XRN2: variants seen among roughly 807,000 people sequenced by gnomAD.
XRN2 encodes the protein 5'-3' exoribonuclease 2.
XRN2 carries 44 observed loss-of-function variants against 138.5 expected under a neutral mutation model. The ratio of observed to expected loss-of-function variants is 0.32; its 90% CI spans 0.25 to 0.41. The LOEUF (loss-of-function observed/expected upper bound fraction) is 0.41, where lower values mean the gene tolerates loss of function less well. Ranked by LOEUF, XRN2 falls within the 10% of genes least tolerant of loss-of-function variation. The pLI is 1.00. For synonymous variants in XRN2, 354 were observed against 369.4 expected (o/e 0.96, Z 0.48); for missense variants, 937 against 1,169.3 (o/e 0.80, Z 2.90).
chr20:21,355,907 A>C (rs2038570379), intron 21 of XRN2, among the ~76,000 whole-genome samples, 173 bp from the exon 22 acceptor site: 1 of 152,180 alleles, frequency 6.6e-6, no homozygotes, highest in Admixed American at 6.5e-5. Flanking sequence ...CCACAGTACT[A>C]TCAAATACTA....
At chr20:21,352,839 G>A (rs2038526206) in intron 20 of XRN2, among the ~76,000 whole-genome samples, 1 of 152,184 alleles carries the variant, frequency 6.6e-6, no homozygotes, top group East Asian at 1.9e-4. Flanking sequence ...TAATACCTAA[G>A]TTATTACCAG....
intron 15 of XRN2, 88 bp downstream of exon 15, chr20:21,340,940 G>A (rs2038364560): frequency 6.8e-7 from 1 of 1,471,720 alleles, no homozygotes; most frequent in Admixed American, 1.9e-5. Context: ...ATTTATCACA[G>A]CCTGGAGTTT....
At chr20:21,328,024 A>G (rs1178583870) in intron 3 of XRN2, among the ~76,000 whole-genome samples, 2 of 152,220 alleles carry the variant, frequency 1.3e-5, no homozygotes, top group African/African-American at 2.4e-5. Flanking sequence ...AGACAGAAAA[A>G]TTATAAACCT....
intron 1 of XRN2, among the ~76,000 whole-genome samples, chr20:21,325,474 C>A (rs940630125): frequency 2.0e-5 from 3 of 152,142 alleles, no homozygotes; most frequent in African/African-American, 7.2e-5. Context: ...GGAACAATTT[C>A]TTGGGAGATA....
At chr20:21,319,548 A>G (rs1167311867) in intron 1 of XRN2, among the ~76,000 whole-genome samples, 1 of 152,052 alleles carries the variant, frequency 6.6e-6, no homozygotes, top group Non-Finnish European at 1.5e-5. Flanking sequence ...GAAGGATTCT[A>G]AATTCATTAG....
chr20:21,348,202 C>G lies in XRN2; in HGVS notation c.1722C>G (p.Asp574Glu), dbSNP rs2122251476. The G allele has an allele frequency of 1.2e-6, 2 of 1,614,010 alleles. No homozygotes were observed. The highest frequency in any genetic ancestry group is 1.7e-5 in the Admixed American group (1 of 60,002). Reference sequence around the variant, plus strand: ...TTCATTATGCACCATTTGCTTCAGACTTTGAAGGCATTGCAGACATGCCAT... The same window carrying G: ...TTCATTATGCACCATTTGCTTCAGAGTTTGAAGGCATTGCAGACATGCCAT... ...YPFHYAPFAS[D>E]FEGIADMPSD... The change falls in exon 18 of 30, where the codon GAC becomes GAG. Residue 574 changes from aspartate to glutamate, a missense_variant. Asp to Glu is a conservative substitution (Grantham distance 45). Transcript: ENST00000377191.
At chr20:21,368,072 T>C (rs769161111) in intron 26 of XRN2, among the ~76,000 whole-genome samples, 1 of 152,166 alleles carries the variant, frequency 6.6e-6, no homozygotes, top group African/African-American at 2.4e-5. Context: ...GAAGAAAAGA[T>C]ACAGGCAAGT....
chr20:21,376,733 C>T (rs530913306), intron 27 of XRN2, among the ~76,000 whole-genome samples: 1 of 152,210 alleles, frequency 6.6e-6, no homozygotes, highest in East Asian at 1.9e-4. Flanking sequence ...AATGAAGAGT[C>T]CTGTGCGTTC....
intron 20 of XRN2, among the ~76,000 whole-genome samples, chr20:21,352,538 C>G (rs1187142275): frequency 2.0e-5 from 3 of 151,972 alleles, no homozygotes; most frequent in African/African-American, 7.3e-5. Flanking sequence ...ACCATGTTGG[C>G]CAGGCTGGTC....
At chr20:21,315,921 C>A (rs6047372) in intron 1 of XRN2, among the ~76,000 whole-genome samples, 103,189 of 152,174 alleles carry the variant, frequency 0.68, 35,722 homozygotes, top group South Asian at 0.83. Context: ...TGTGGATTGT[C>A]TTTCCACTTT....
At chr20:21,379,970 T>G (rs1403798793) in intron 27 of XRN2, among the ~76,000 whole-genome samples, 1 of 152,192 alleles carries the variant, frequency 6.6e-6, no homozygotes, top group Non-Finnish European at 1.5e-5. Context: ...GCTGTATCTT[T>G]GTATTGTCTT....
rs1180961334 is a variant in XRN2 at position 21,352,140 on chromosome 20, T to G, written c.1937-2649T>G. Among the ~76,000 whole-genome samples the G allele has an allele frequency of 3.9e-5, 6 of 152,216 alleles. No homozygotes were observed. In the East Asian group the frequency reaches 1.2e-3, roughly 29 times the overall value. On this transcript the variant is annotated intron_variant, in intron 20 of 29. Coordinates refer to ENST00000377191, the MANE Select transcript of XRN2 (RefSeq NM_012255.5). Reference sequence around the variant, plus strand: ...TTAGCTTAGTAGCGAGAACACACTTTTCTTGAGGTAAAATTTAGTACTGTT... The same window carrying G: ...TTAGCTTAGTAGCGAGAACACACTTGTCTTGAGGTAAAATTTAGTACTGTT...
At position 21,342,629 on chromosome 20, in the gene XRN2, G is replaced by A. The variant is rs1033461987; in HGVS notation, c.1411-1461G>A. Among the ~76,000 whole-genome samples, 5 of 152,164 alleles carry A rather than the reference G, an allele frequency of 3.3e-5. No individual in the cohort carries two copies. In the South Asian group the frequency reaches 1.0e-3, roughly 31 times the overall value. ...TTTAATACAAATGGATTAGTGTAGG[G>A]TTGAAAAAACAATAGTGATTACTTA... On this transcript the variant is annotated intron_variant, in intron 15 of 29. Coordinates refer to ENST00000377191, the MANE Select transcript of XRN2 (RefSeq NM_012255.5).
chr20:21,303,484 G>A lies in XRN2; in HGVS notation c.75+11G>A, dbSNP rs1395705786. The A allele has an allele frequency of 3.3e-6, 5 of 1,536,908 alleles. No individual in the cohort carries two copies. The highest frequency in any genetic ancestry group is 2.6e-5 in the East Asian group (1 of 38,718). ...TGCGTGGAAGAGAAGGTGAGGAGGCGCCAGGCGGCCGCCACACTCGAGCCC... is the reference window on the plus strand; with the variant it reads ...TGCGTGGAAGAGAAGGTGAGGAGGCACCAGGCGGCCGCCACACTCGAGCCC... On this transcript the variant is annotated intron_variant, in intron 1 of 29. Coordinates refer to ENST00000377191, the MANE Select transcript of XRN2 (RefSeq NM_012255.5).
chr20:21,343,008 T>A (rs537774593), intron 15 of XRN2, among the ~76,000 whole-genome samples: 2 of 152,350 alleles, frequency 1.3e-5, no homozygotes, highest in Admixed American at 1.3e-4. Context: ...AGATGTGCTC[T>A]AAGTTCTATG....
chr20:21,368,665 G>T, intron 27 of XRN2, 75 bp downstream of exon 27: 1 of 1,570,502 alleles, frequency 6.4e-7, no homozygotes, highest in Non-Finnish European at 8.6e-7. Flanking sequence ...AATCTTCTTT[G>T]CTGAAAAAGA....
intron 3 of XRN2, among the ~76,000 whole-genome samples, chr20:21,327,279 C>T (rs192309260): frequency 6.6e-6 from 1 of 152,232 alleles, no homozygotes; most frequent in East Asian, 1.9e-4. Flanking sequence ...AGTTACTGAC[C>T]TATGATAATA....
chr20:21,381,284 C>T lies in XRN2; in HGVS notation c.2585-710C>T, dbSNP rs370190661. ...GTTTTAATTAGGTCACAGCAGACCCCGCTGAAGGTGAAGTGACTGCAAGCT... is the reference window on the plus strand; with the variant it reads ...GTTTTAATTAGGTCACAGCAGACCCTGCTGAAGGTGAAGTGACTGCAAGCT... On this transcript the variant is annotated intron_variant, in intron 27 of 29. Transcript: ENST00000377191. Among the ~76,000 whole-genome samples the T allele has an allele frequency of 7.2e-5, 11 of 152,250 alleles. No individual in the cohort carries two copies. In the East Asian group the frequency reaches 7.7e-4, roughly 11 times the overall value.
chr20:21,341,865 T>A (rs1478856375), intron 15 of XRN2, among the ~76,000 whole-genome samples: 2 of 151,974 alleles, frequency 1.3e-5, no homozygotes, highest in Non-Finnish European at 2.9e-5. Context: ...TTTTTTTAAA[T>A]CTTGGGAGGC....
Sources: gnomAD v4.1 joint callset for allele counts (sites outside exome capture counted in the v4.1 genomes callset) on GRCh38, gnomAD v4.1.1 for gene constraint, MANE v1.5 for transcripts, NCBI Gene and HGNC (gene_info 2026-07-23, HGNC 2026-07-21) for gene names.